The following ANKFN1 variants were observed in gnomAD, a reference collection of about 807,000 sequenced individuals.
ANKFN1 encodes ankyrin repeat and fibronectin type-III domain-containing protein 1.
In ANKFN1, 74 loss-of-function variants were observed where a neutral mutation model predicts 108.7. The observed-to-expected ratio is 0.68, with a 90% CI of 0.56 to 0.83. The LOEUF is 0.83. Ranked by LOEUF, ANKFN1 falls within the 40% of genes least tolerant of loss-of-function variation. The pLI is 0.00. For missense variants in ANKFN1, 1,505 were observed against 1,382.3 expected (o/e 1.09, Z -1.41); for synonymous variants, 547 against 516.2 (o/e 1.06, Z -0.81).
chr17:56,505,065 A>G (rs1410949760), intron 20 of ANKFN1, among the ~76,000 whole-genome samples: 1 of 152,136 alleles, frequency 6.6e-6, no homozygotes, highest in East Asian at 1.9e-4. Context: ...TCAAGATCAT[A>G]TATGCAGTAG....
chr17:56,506,154 C>A (rs55641575), intron 20 of ANKFN1, among the ~76,000 whole-genome samples: 145 of 152,036 alleles, frequency 9.5e-4, no homozygotes, highest in African/African-American at 3.4e-3. Context: ...TGTTGGTGTG[C>A]TGCACCCATT....
intron 8 of ANKFN1, among the ~76,000 whole-genome samples, chr17:56,438,922 G>T (rs557598598): frequency 1.3e-5 from 2 of 152,168 alleles, no homozygotes; most frequent in South Asian, 4.2e-4. Flanking sequence ...AAGGAGAAGG[G>T]GCAAAACCAG....
At chr17:56,165,263 CT>C (rs778529905) in intron 1 of ANKFN1, among the ~76,000 whole-genome samples, 7 of 151,438 alleles carry the variant, frequency 4.6e-5, no homozygotes, top group Non-Finnish European at 8.8e-5. Flanking sequence ...TTACCAATTA[CT>C]TTTTTTTTAA....
At chr17:56,147,517 G>A (rs1908336380) in intron 4 of ANKFN1, among the ~76,000 whole-genome samples, 1 of 152,194 alleles carries the variant, frequency 6.6e-6, no homozygotes, top group Non-Finnish European at 1.5e-5. Context: ...AGGGCAGCAG[G>A]ATGGAGTGAG....
chr17:56,422,686 A>G (rs551914680), intron 8 of ANKFN1, among the ~76,000 whole-genome samples: 3 of 152,250 alleles, frequency 2.0e-5, no homozygotes, highest in Admixed American at 6.5e-5. Flanking sequence ...ATAAACCCTT[A>G]CCATTCAAAA....
chr17:56,065,185 ATC>A (rs1905041294), intron 4 of ANKFN1, among the ~76,000 whole-genome samples: 2 of 152,114 alleles, frequency 1.3e-5, no homozygotes, highest in African/African-American at 4.8e-5. Flanking sequence ...TCATTGTCTT[ATC>A]TATGCTATTG....
intron 3 of ANKFN1, among the ~76,000 whole-genome samples, chr17:56,250,870 A>G (rs549955263): frequency 1.3e-5 from 2 of 152,336 alleles, no homozygotes; most frequent in East Asian, 3.9e-4. Context: ...CATTTTATTT[A>G]TTGAGTGTAT....
chr17:56,146,774 G>A (rs1419505168), intron 4 of ANKFN1, among the ~76,000 whole-genome samples: 1 of 152,202 alleles, frequency 6.6e-6, no homozygotes, highest in Admixed American at 6.5e-5. Context: ...AGGAGGGACT[G>A]AAGGTCTCTG....
chr17:56,301,696 A>G (rs1443220587), intron 3 of ANKFN1, among the ~76,000 whole-genome samples: 2 of 152,234 alleles, frequency 1.3e-5, no homozygotes, highest in African/African-American at 2.4e-5. Context: ...TTAGCTTATA[A>G]TAGAGATAGA....
chr17:56,170,633 C>T (rs911117438), intron 1 of ANKFN1, among the ~76,000 whole-genome samples: 8 of 150,808 alleles, frequency 5.3e-5, no homozygotes, highest in South Asian at 4.2e-4. Context: ...CATGGTGGCG[C>T]GTGCCCATAG....
chr17:56,347,495 T>C (rs191004738), intron 4 of ANKFN1, among the ~76,000 whole-genome samples: 36 of 152,168 alleles, frequency 2.4e-4, no homozygotes, highest in Admixed American at 1.8e-3. Context: ...AAGATTCCAA[T>C]TGGGTCTACC....
chr17:56,361,408 T>C (rs141435241), intron 6 of ANKFN1, among the ~76,000 whole-genome samples: 2 of 152,180 alleles, frequency 1.3e-5, no homozygotes, highest in African/African-American at 4.8e-5. Flanking sequence ...ATAGAATTGT[T>C]TGGGGAGCAG....
At chr17:56,278,006 A>G (rs913702894) in intron 3 of ANKFN1, among the ~76,000 whole-genome samples, 3 of 152,186 alleles carry the variant, frequency 2.0e-5, no homozygotes, top group Admixed American at 6.5e-5. Flanking sequence ...CATTTGAAAA[A>G]CCCTTGCTTC....
chr17:56,516,324 A>AT lies in ANKFN1; in HGVS notation c.*5058dup, dbSNP rs759610694. On this transcript the variant is annotated 3_prime_UTR_variant, in exon 21 of 21. Transcript: ENST00000682825. ...AGAGAGATGTTTCATAGAAAAAGTAATTTAAGTGACATTCTCATTTGGCAG... is the reference window on the plus strand; with the variant it reads ...AGAGAGATGTTTCATAGAAAAAGTAATTTTAAGTGACATTCTCATTTGGCAG... Among the ~76,000 whole-genome samples, 2 of 151,868 alleles carry AT rather than the reference A, an allele frequency of 1.3e-5. No individual in the cohort carries two copies. The highest frequency in any genetic ancestry group is 2.9e-5 in the Non-Finnish European group (2 of 67,966).
chr17:56,390,138 T>A (rs564950332), intron 8 of ANKFN1, among the ~76,000 whole-genome samples: 94 of 152,224 alleles, frequency 6.2e-4, no homozygotes, highest in Non-Finnish European at 8.4e-4. Flanking sequence ...TATCAGCCCA[T>A]CATCTAGGTT....
intron 6 of ANKFN1, among the ~76,000 whole-genome samples, chr17:56,366,820 A>G (rs1173377989): frequency 6.6e-6 from 1 of 152,202 alleles, no homozygotes; most frequent in Admixed American, 6.5e-5. Flanking sequence ...GAAATTGCCT[A>G]AGGATGCATT....
chr17:56,369,327 A>G (rs149074244), intron 6 of ANKFN1, among the ~76,000 whole-genome samples: 269 of 152,324 alleles, frequency 1.8e-3, no homozygotes, highest in African/African-American at 5.8e-3. Context: ...GCACAGCATC[A>G]ATGATTTCAC....
At chr17:56,439,001 A>T (rs1247592395) in intron 8 of ANKFN1, among the ~76,000 whole-genome samples, 1 of 152,152 alleles carries the variant, frequency 6.6e-6, no homozygotes, top group Non-Finnish European at 1.5e-5. Flanking sequence ...AAACCGGGGG[A>T]GGGGAATGGT....
At chr17:56,480,960 T>G in intron 17 of ANKFN1, 142 bp downstream of exon 17, 1 of 1,003,340 alleles carries the variant, frequency 1.0e-6, no homozygotes, top group Admixed American at 2.2e-5. Flanking sequence ...TGCAAGTGCA[T>G]GCACATTTTG....
Sources: gnomAD v4.1 joint callset for allele counts (sites outside exome capture counted in the v4.1 genomes callset) on GRCh38, gnomAD v4.1.1 for gene constraint, MANE v1.5 for transcripts, NCBI Gene and HGNC (gene_info 2026-07-23, HGNC 2026-07-21) for gene names.